Variants in NEMF observed in about 807,000 individuals in gnomAD.
NEMF encodes the protein ribosome quality control complex subunit NEMF.
NEMF carries 89 observed loss-of-function variants against 162.2 expected under a neutral mutation model. The ratio of observed to expected loss-of-function variants is 0.55; its 90% CI spans 0.46 to 0.65. The LOEUF is 0.65. Ranked by LOEUF, NEMF falls within the 30% of genes least tolerant of loss-of-function variation. The pLI, the probability that NEMF is intolerant of heterozygous loss-of-function variation, is 0.00. For synonymous variants in NEMF, 421 were observed against 404.5 expected (o/e 1.04, Z -0.49); for missense variants, 1,133 against 1,261.9 (o/e 0.90, Z 1.55).
At position 49,795,820 on chromosome 14, in the gene NEMF, C is replaced by T; in HGVS notation, c.2590G>A (p.Ala864Thr). 1 of 1,612,666 alleles carries T rather than the reference C, an allele frequency of 6.2e-7. No individual in the cohort carries two copies. Among genetic ancestry groups the T allele is most frequent in the Non-Finnish European group, 8.5e-7 (1 of 1,179,686 alleles). The change falls in exon 26 of 33, where the codon GCT becomes ACT. Residue 864 changes from alanine to threonine, a missense_variant. This residue lies in a region of NEMF where 532 missense variants were observed against 578.6 expected (regional missense o/e 0.92). Coordinates refer to ENST00000298310, the MANE Select transcript of NEMF (RefSeq NM_004713.6). ...THQNTSKNVA[A>T]VQPMKRGQKS... ...TGTCCTCGTTTCATTGGCTGCACAG[C>T]CGCAACATTTTTGCTTGTGTTCTGA... is the stretch of plus-strand genomic sequence containing the variant.
chr14:49,796,809 T>A (rs1394814457), intron 25 of NEMF, among the ~76,000 whole-genome samples: 1 of 152,216 alleles, frequency 6.6e-6, no homozygotes, highest in East Asian at 1.9e-4. Flanking sequence ...ATACACAAAC[T>A]TTCTCTTCCT....
At position 49,822,388 on chromosome 14, in the gene NEMF, G is replaced by A. The variant is rs1350866888; in HGVS notation, c.1577+3479C>T. Reference sequence around the variant, plus strand: ...GTACAAAAGTTAGCCGGGCATGGTGGCGCACACCTGTAGTCCCAGCTACTT... The same window carrying A: ...GTACAAAAGTTAGCCGGGCATGGTGACGCACACCTGTAGTCCCAGCTACTT... On this transcript the variant is annotated intron_variant, in intron 16 of 32. Coordinates refer to ENST00000298310, the MANE Select transcript of NEMF (RefSeq NM_004713.6). Among the ~76,000 whole-genome samples the A allele has an allele frequency of 3.3e-5, 5 of 151,650 alleles. No individual in the cohort carries two copies. The South Asian group carries it at 8.3e-4, about 25-fold the overall frequency.
rs1893167205 is a variant in NEMF, at chr14:49,840,869, G to A, written c.358-3C>T. On this transcript the variant is annotated splice_region_variant and splice_polypyrimidine_tract_variant and intron_variant, in intron 4 of 32. Transcript: ENST00000298310. ...TAATCTGTAAGAACAATGTTCCCCT[G>A]CAATAAAATAAAATACAATTTAGCG... 2 of 1,604,926 alleles carry A rather than the reference G, an allele frequency of 1.2e-6. No individual in the cohort carries two copies. The highest frequency in any genetic ancestry group is 1.7e-5 in the Admixed American group (1 of 57,214).
chr14:49,820,876 T>C (rs962877708), intron 16 of NEMF, among the ~76,000 whole-genome samples: 12 of 152,064 alleles, frequency 7.9e-5, no homozygotes, highest in Non-Finnish European at 1.5e-4. Flanking sequence ...AGCCTCGGCA[T>C]CCCAAGGTGC....
chr14:49,844,177 A>C (rs1455927048), intron 4 of NEMF, among the ~76,000 whole-genome samples: 2 of 151,804 alleles, frequency 1.3e-5, no homozygotes, highest in African/African-American at 4.8e-5. Flanking sequence ...TTCATGGAAG[A>C]CAATTTTTCC....
chr14:49,822,646 A>G (rs1441775171), intron 16 of NEMF, among the ~76,000 whole-genome samples: 1 of 148,494 alleles, frequency 6.7e-6, no homozygotes, highest in African/African-American at 2.5e-5. Flanking sequence ...CCTGGCCAAC[A>G]CTGAAAGATC....
At chr14:49,841,867 A>G (rs1893228631) in intron 4 of NEMF, among the ~76,000 whole-genome samples, 1 of 152,166 alleles carries the variant, frequency 6.6e-6, no homozygotes, top group Non-Finnish European at 1.5e-5. Flanking sequence ...GCACTGTGGG[A>G]GGCTGAGGCG....
intron 25 of NEMF, among the ~76,000 whole-genome samples, chr14:49,796,535 G>A (rs1421563829): frequency 6.6e-6 from 1 of 151,896 alleles, no homozygotes; most frequent in Non-Finnish European, 1.5e-5. Context: ...ATTTTTAGTA[G>A]ATATGGGGTT....
At chr14:49,819,746 GGA>G (rs1000531676) in intron 16 of NEMF, among the ~76,000 whole-genome samples, 18 of 152,114 alleles carry the variant, frequency 1.2e-4, no homozygotes, top group African/African-American at 4.1e-4. Context: ...ATTGTGAAAA[GGA>G]GAGAGTTCTG....
chr14:49,831,709 T>A (rs1892646986), intron 10 of NEMF, among the ~76,000 whole-genome samples: 1 of 152,172 alleles, frequency 6.6e-6, no homozygotes, highest in Admixed American at 6.5e-5. Context: ...AATGCTGAGA[T>A]TATAGGCATG....
intron 15 of NEMF, among the ~76,000 whole-genome samples, chr14:49,828,057 C>T (rs879574232): frequency 2.6e-5 from 4 of 152,114 alleles, no homozygotes; most frequent in Non-Finnish European, 5.9e-5. Flanking sequence ...ATATCACAAA[C>T]ATTTTTAACC....
At chr14:49,798,852 A>G (rs1890814246) in intron 25 of NEMF, among the ~76,000 whole-genome samples, 1 of 151,940 alleles carries the variant, frequency 6.6e-6, no homozygotes, top group African/African-American at 2.4e-5. Flanking sequence ...GCTTGCAGTG[A>G]GCCGAGATCA....
intron 16 of NEMF, among the ~76,000 whole-genome samples, chr14:49,816,630 G>A (rs1349894859): frequency 6.6e-6 from 1 of 152,152 alleles, no homozygotes; most frequent in Non-Finnish European, 1.5e-5. Flanking sequence ...TGACACTTAA[G>A]GAAAATAGAA....
intron 15 of NEMF, among the ~76,000 whole-genome samples, chr14:49,826,316 TCCCA>T (rs1452264342): frequency 6.6e-6 from 1 of 151,958 alleles, no homozygotes; most frequent in African/African-American, 2.4e-5. Context: ...AAGCCCCCAC[TCCCA>T]CCCCACTAGG....
Position 49,784,962 on chromosome 14 carries a change from G to C in NEMF, c.3116C>G (p.Ala1039Gly), listed in dbSNP as rs533718357. The C allele has an allele frequency of 1.2e-6, 2 of 1,613,792 alleles. No individual in the cohort carries two copies. Among genetic ancestry groups the C allele is most frequent in the East Asian group, 4.5e-5 (2 of 44,850 alleles). Residue 1039 changes from alanine (A) to glycine (G), a missense_variant, in exon 32 of 33, where the codon GCA (alanine) becomes GGA (glycine). By Grantham distance (60) the Ala-to-Gly change is moderately conservative. Around this residue, in one of 3 missense-constraint regions of NEMF, gnomAD observed 532 missense variants for 578.6 expected, o/e 0.92. Coordinates refer to ENST00000298310, the MANE Select transcript of NEMF (RefSeq NM_004713.6). ...GAATAAGTCTTTTTCTCTTGCTGTTGCTTCTTTGGAATGCATGAAACTATT... is the reference window on the plus strand; with the variant it reads ...GAATAAGTCTTTTTCTCTTGCTGTTCCTTCTTTGGAATGCATGAAACTATT... ...ALNSFMHSKE[A>G]TAREKDLFRS... is the part of the protein sequence containing the mutation.
intron 29 of NEMF, 120 bp downstream of exon 29, chr14:49,786,598 G>T: frequency 1.1e-6 from 1 of 922,262 alleles, no homozygotes; most frequent in South Asian, 1.5e-5. Context: ...CCGAAAGTTT[G>T]ACTTCGTAGC....
rs1491120021 is a variant in NEMF at position 49,784,197 on chromosome 14, ATT to A, written c.*437_*438del. 6.5e-6 allele frequency: 1 copy of A among 152,972 alleles called. No homozygotes were observed. Among genetic ancestry groups the A allele is most frequent in the African/African-American group, 2.4e-5 (1 of 41,404 alleles). The allele number at this position is 152,972 out of a possible 1,614,324, so 9.5% of individuals were successfully genotyped here. On this transcript the variant is annotated 3_prime_UTR_variant, in exon 33 of 33. Coordinates refer to ENST00000298310, the MANE Select transcript of NEMF (RefSeq NM_004713.6). Reference sequence around the variant, plus strand: ...ATATAAAACTGGGAAAAAAACAAGAATTAAGTCCTTTTGGTGAATATAGCAAG... The same window carrying A: ...ATATAAAACTGGGAAAAAAACAAGAAAAGTCCTTTTGGTGAATATAGCAAG...
chr14:49,789,997 A>G (rs866295793), intron 26 of NEMF, among the ~76,000 whole-genome samples: 2 of 152,328 alleles, frequency 1.3e-5, no homozygotes, highest in Middle Eastern at 3.4e-3. Flanking sequence ...TCTGTATTTT[A>G]TTAAATAAAC....
Position 49,799,372 on chromosome 14 carries a change from TG to T in NEMF, c.2465+102del, listed in dbSNP as rs974616301. 1.7e-4 allele frequency: 131 copies of T among 790,344 alleles called. 1 individual carries two copies. The highest frequency in any genetic ancestry group is 1.9e-4 in the South Asian group (10 of 51,576). 49.0% of individuals were successfully genotyped at this position (790,344 alleles called of 1,614,324 possible). On this transcript the variant is annotated intron_variant, in intron 25 of 32. Transcript: ENST00000298310. Reference sequence around the variant, plus strand: ...TTGTGCTAAATCTTGGTAAATTTAATGAAGGAAGTCTTTAAACAGCTAAGTA... The same window carrying T: ...TTGTGCTAAATCTTGGTAAATTTAATAAGGAAGTCTTTAAACAGCTAAGTA...
Sources: allele counts gnomAD v4.1 joint callset (sites outside exome capture counted in the v4.1 genomes callset), GRCh38; gene constraint gnomAD v4.1.1; regional missense constraint gnomAD v4.1.1; transcripts MANE v1.5; gene names NCBI Gene and HGNC (gene_info 2026-07-23, HGNC 2026-07-21).